Variants in TAFA5 observed in about 807,000 individuals in gnomAD.
The protein encoded by TAFA5 is chemokine-like protein TAFA-5.
A neutral mutation model predicts 15.3 loss-of-function variants in TAFA5; 6 were observed. The observed-to-expected ratio is 0.39, with a 90% CI of 0.21 to 0.77. The LOEUF is 0.77. TAFA5 is among the 30% of genes least tolerant of loss of function. The pLI is 0.41. For missense variants in TAFA5, 161 were observed against 193.1 expected, an observed-to-expected ratio of 0.83 and a Z score of 0.98; for synonymous variants, 103 against 80.7, an observed-to-expected ratio of 1.28 and a Z score of -1.48.
In TAFA5 at chr22:48,751,870, C is replaced by T. The variant is rs1243259981; in HGVS notation, c.*2023C>T. 1.3e-5 allele frequency: 2 copies of T among 152,524 alleles called. No homozygotes were observed. The highest frequency in any genetic ancestry group is 2.1e-4 in the South Asian group (1 of 4,836). 9.4% of individuals were successfully genotyped at this position (152,524 alleles called of 1,614,324 possible). A position where few individuals can be genotyped will look rare whatever the true frequency, so the allele number is the denominator to read the frequency against. On this transcript the variant is annotated 3_prime_UTR_variant, in exon 4 of 4. Transcript: ENST00000402357. The stretch of plus-strand genomic sequence containing the variant: ...CAGCATATTTTTTTTTCTTGTTTTA[C>T]AGTATTCAATTTTGTGTTGATTCAG...
chr22:48,614,617 G>C (rs1477829455), intron 1 of TAFA5, among the ~76,000 whole-genome samples: 2 of 152,190 alleles, frequency 1.3e-5, no homozygotes, highest in Non-Finnish European at 2.9e-5. Context: ...TGCCTGGTGT[G>C]TCCACAGAGT....
At chr22:48,538,209 T>A (rs1484034817) in intron 1 of TAFA5, among the ~76,000 whole-genome samples, 1 of 150,550 alleles carries the variant, frequency 6.6e-6, no homozygotes, top group Admixed American at 6.7e-5. Context: ...TACCTGGCGC[T>A]CTACCGAAAG....
chr22:48,697,985 T>C (rs1266533410), intron 2 of TAFA5, among the ~76,000 whole-genome samples: 1 of 149,306 alleles, frequency 6.7e-6, no homozygotes, highest in Non-Finnish European at 1.5e-5. Context: ...GTTGATAGGA[T>C]GGTGAGGATG....
At chr22:48,631,734 G>A (rs1452981859) in intron 1 of TAFA5, among the ~76,000 whole-genome samples, 5 of 152,216 alleles carry the variant, frequency 3.3e-5, no homozygotes, top group East Asian at 1.9e-4. Flanking sequence ...AGAGGACTTA[G>A]GGGGAAATCT....
chr22:48,577,958 G>C (rs1923879198), intron 1 of TAFA5, among the ~76,000 whole-genome samples: 2 of 152,234 alleles, frequency 1.3e-5, no homozygotes, highest in Non-Finnish European at 2.9e-5. Flanking sequence ...CATCCTTCCT[G>C]CTGAGGAGTC....
At chr22:48,621,458 C>T (rs959904045) in intron 1 of TAFA5, among the ~76,000 whole-genome samples, 14 of 152,044 alleles carry the variant, frequency 9.2e-5, no homozygotes, top group African/African-American at 2.7e-4. Context: ...CCCCCATGCC[C>T]ATCATGTAGG....
At chr22:48,704,955 A>G (rs1003445402) in intron 2 of TAFA5, among the ~76,000 whole-genome samples, 2 of 151,938 alleles carry the variant, frequency 1.3e-5, no homozygotes, top group Non-Finnish European at 1.5e-5. Context: ...GAGATGGTGC[A>G]GGGGGCTGGG....
At chr22:48,715,212 C>T (rs554794082) in intron 3 of TAFA5, among the ~76,000 whole-genome samples, 1 of 152,360 alleles carries the variant, frequency 6.6e-6, no homozygotes, top group East Asian at 1.9e-4. Flanking sequence ...GGCCACAGGG[C>T]CCTTCTGTGA....
intron 1 of TAFA5, among the ~76,000 whole-genome samples, chr22:48,495,045 G>A (rs1457193925): frequency 6.6e-6 from 1 of 152,230 alleles, no homozygotes; most frequent in Non-Finnish European, 1.5e-5. Flanking sequence ...CATCCTGCGG[G>A]ACGGTGGGTC....
chr22:48,724,148 T>C (rs543222221), intron 3 of TAFA5, among the ~76,000 whole-genome samples: 137 of 133,344 alleles, frequency 1.0e-3, no homozygotes, highest in African/African-American at 3.5e-3. Context: ...CTTGGGGTTC[T>C]CGTTGCATTG....
At chr22:48,543,588 G>C (rs1464789280) in intron 1 of TAFA5, 1 of 152,352 alleles carries the variant, frequency 6.6e-6, no homozygotes, top group African/African-American at 2.4e-5. Context: ...AGTCTGGAGA[G>C]GAGATATTAT....
intron 1 of TAFA5, among the ~76,000 whole-genome samples, chr22:48,638,070 C>T (rs1056449929): frequency 3.9e-5 from 6 of 152,026 alleles, no homozygotes; most frequent in African/African-American, 9.7e-5. Flanking sequence ...TTCTCAGTGG[C>T]GAAGAGCACT....
intron 2 of TAFA5, among the ~76,000 whole-genome samples, chr22:48,650,937 C>T (rs1385488336): frequency 2.0e-5 from 3 of 152,244 alleles, no homozygotes; most frequent in Admixed American, 6.5e-5. Context: ...TCAGCACACA[C>T]GTGCTGGGTC....
intron 1 of TAFA5, among the ~76,000 whole-genome samples, chr22:48,535,375 T>A (rs1356835226): frequency 2.6e-5 from 4 of 152,250 alleles, no homozygotes; most frequent in Non-Finnish European, 4.4e-5. Flanking sequence ...TGTGATGGCC[T>A]TAGAAGAAAT....
intron 3 of TAFA5, among the ~76,000 whole-genome samples, chr22:48,737,737 T>C (rs777668893): frequency 5.9e-5 from 9 of 152,290 alleles, no homozygotes; most frequent in Admixed American, 1.3e-4. Flanking sequence ...CCCTGCTCCC[T>C]AGCGCTGGAT....
chr22:48,746,539 A>G (rs917541839), intron 3 of TAFA5, among the ~76,000 whole-genome samples: 31 of 152,198 alleles, frequency 2.0e-4, no homozygotes, highest in African/African-American at 7.2e-4. Flanking sequence ...TGGCTCTATT[A>G]GATCTCTTCA....
At chr22:48,688,175 A>G (rs762667101) in intron 2 of TAFA5, among the ~76,000 whole-genome samples, 22 of 152,044 alleles carry the variant, frequency 1.4e-4, no homozygotes, top group Non-Finnish European at 2.5e-4. Flanking sequence ...CACCCTTCAT[A>G]AAGGGAGGCG....
At chr22:48,623,842 C>A (rs1356367467) in intron 1 of TAFA5, among the ~76,000 whole-genome samples, 1 of 152,258 alleles carries the variant, frequency 6.6e-6, no homozygotes, top group African/African-American at 2.4e-5. Context: ...AACTTGAAGG[C>A]AGTTCAGAAC....
intron 1 of TAFA5, among the ~76,000 whole-genome samples, chr22:48,573,233 G>A (rs1166377632): frequency 1.3e-5 from 2 of 152,240 alleles, no homozygotes; most frequent in African/African-American, 2.4e-5. Flanking sequence ...CTTCTCGGGA[G>A]GATGTGGGCA....
Sources: gnomAD v4.1 joint callset for allele counts (sites outside exome capture counted in the v4.1 genomes callset) on GRCh38, gnomAD v4.1.1 for gene constraint, MANE v1.5 for transcripts, NCBI Gene and HGNC (gene_info 2026-07-23, HGNC 2026-07-21) for gene names.